Variants in IFT81 observed in about 807,000 individuals in gnomAD.
IFT81 encodes the protein intraflagellar transport protein 81 homolog.
IFT81 carries 72 observed loss-of-function variants against 102.6 expected under a neutral mutation model. That is an observed-to-expected ratio of 0.70 (90% CI 0.58 to 0.85). The LOEUF (loss-of-function observed/expected upper bound fraction) is 0.85. Among genes scored for constraint, IFT81 ranks in the 40% least tolerant of loss-of-function variants. The pLI, the probability that IFT81 is intolerant of heterozygous loss-of-function variation, is 0.00. For synonymous variants in IFT81, 237 were observed against 242.7 expected, an observed-to-expected ratio of 0.98 and a Z score of 0.22; for missense variants, 723 against 787.3, an observed-to-expected ratio of 0.92 and a Z score of 0.98.
intron 17 of IFT81, 87 bp downstream of exon 17, chr12:110,205,767 G>A: frequency 1.2e-6 from 1 of 803,376 alleles, no homozygotes; most frequent in Non-Finnish European, 1.9e-6. Flanking sequence ...TACAAATTTA[G>A]CATATTTAAG....
chr12:110,209,811 G>A (rs1432787967), intron 18 of IFT81, among the ~76,000 whole-genome samples: 1 of 150,436 alleles, frequency 6.6e-6, no homozygotes, highest in African/African-American at 2.4e-5. Flanking sequence ...ATCTCTTTAT[G>A]AGATAGGTGT....
At chr12:110,207,521 T>C (rs1286136912) in intron 17 of IFT81, among the ~76,000 whole-genome samples, 2 of 151,940 alleles carry the variant, frequency 1.3e-5, no homozygotes, top group African/African-American at 2.4e-5. Context: ...CAGTCTCTTC[T>C]TTGTTCTGTG....
intron 11 of IFT81, among the ~76,000 whole-genome samples, chr12:110,172,284 G>C (rs1287345212): frequency 6.6e-6 from 1 of 151,030 alleles, no homozygotes; most frequent in African/African-American, 2.4e-5. Flanking sequence ...AGAAAAATTT[G>C]CCTCTGCCTC....
chr12:110,189,440 C>T (rs1703156565), intron 12 of IFT81, among the ~76,000 whole-genome samples: 1 of 152,106 alleles, frequency 6.6e-6, no homozygotes, highest in African/African-American at 2.4e-5. Context: ...GCTCCACCTC[C>T]CGGGTTCAAG....
At chr12:110,140,181 G>A (rs539292032) in intron 8 of IFT81, among the ~76,000 whole-genome samples, 1 of 152,108 alleles carries the variant, frequency 6.6e-6, no homozygotes, top group East Asian at 1.9e-4. Context: ...GTATACATGT[G>A]CCATGGTGGT....
chr12:110,209,848 A>G (rs1869183139), intron 18 of IFT81, among the ~76,000 whole-genome samples: 1 of 152,170 alleles, frequency 6.6e-6, no homozygotes, highest in Non-Finnish European at 1.5e-5. Flanking sequence ...TTTATTTAAT[A>G]AACACAAAGT....
At chr12:110,158,690 C>G (rs950270369) in intron 10 of IFT81, among the ~76,000 whole-genome samples, 1 of 151,852 alleles carries the variant, frequency 6.6e-6, no homozygotes, top group Non-Finnish European at 1.5e-5. Flanking sequence ...CCCAGGTTCA[C>G]GCCATTCTCC....
At chr12:110,126,004 C>T (rs1340004772) in intron 1 of IFT81, among the ~76,000 whole-genome samples, 1 of 152,216 alleles carries the variant, frequency 6.6e-6, no homozygotes, top group African/African-American at 2.4e-5. Flanking sequence ...ATCGGCCAGG[C>T]GCGGTGGCTC....
rs577109202 is a variant in IFT81, at chr12:110,135,529, G to A, written c.696+92G>A. ...AGAAAAGAGTTTTAAAATTGTAGAC[G>A]TTCACGTTCCTTTTGCTAACATAAT... On this transcript the variant is annotated intron_variant, in intron 7 of 18. Coordinates refer to ENST00000242591, the MANE Select transcript of IFT81 (RefSeq NM_014055.4). 133 of 741,864 alleles carry A rather than the reference G, an allele frequency of 1.8e-4. 1 individual carries two copies. Among genetic ancestry groups the A allele is most frequent in the Middle Eastern group, 3.9e-4 (1 of 2,580 alleles). 46.0% of individuals were successfully genotyped at this position (741,864 alleles called of 1,614,324 possible).
intron 18 of IFT81, among the ~76,000 whole-genome samples, chr12:110,210,745 C>T (rs1869295900): frequency 6.6e-6 from 1 of 151,442 alleles, no homozygotes; most frequent in Non-Finnish European, 1.5e-5. Flanking sequence ...AAAAAAGTTT[C>T]CTACCACTAT....
At chr12:110,217,216 T>G (rs938213495) in intron 18 of IFT81, among the ~76,000 whole-genome samples, 1 of 152,026 alleles carries the variant, frequency 6.6e-6, no homozygotes, top group Admixed American at 6.5e-5. Flanking sequence ...TGCTAATTTT[T>G]GTATTTTTAG....
At chr12:110,152,854 G>T (rs1895617420) in intron 10 of IFT81, among the ~76,000 whole-genome samples, 1 of 152,116 alleles carries the variant, frequency 6.6e-6, no homozygotes, top group African/African-American at 2.4e-5. Context: ...ACTTCCCAAA[G>T]TACTGGGATT....
In IFT81 at chr12:110,205,528, G is replaced by A. The variant is rs752843172; in HGVS notation, c.1716+14G>A. The stretch of plus-strand genomic sequence containing the variant: ...TGTATGATTAAGGTAAGACAAAGTA[G>A]ATCAAAAACATTTCTGAGTTTTTTC... On this transcript the variant is annotated intron_variant, in intron 16 of 18. Coordinates refer to ENST00000242591, the MANE Select transcript of IFT81 (RefSeq NM_014055.4). 3.8e-6 allele frequency: 6 copies of A among 1,588,366 alleles called. No individual in the cohort carries two copies. Among genetic ancestry groups the A allele is most frequent in the Non-Finnish European group, 5.1e-6 (6 of 1,171,362 alleles).
intron 12 of IFT81, among the ~76,000 whole-genome samples, chr12:110,185,389 A>C (rs1897483637): frequency 6.6e-6 from 1 of 151,524 alleles, no homozygotes; most frequent in South Asian, 2.1e-4. Context: ...ACGGGGTTTC[A>C]CCATGTTAGC....
chr12:110,202,140 A>G (rs1390855558), intron 14 of IFT81, among the ~76,000 whole-genome samples: 1 of 152,196 alleles, frequency 6.6e-6, no homozygotes, highest in Non-Finnish European at 1.5e-5. Context: ...ATCACCACAA[A>G]CACATGAGTA....
At chr12:110,147,288 T>G (rs530080239) in intron 10 of IFT81, among the ~76,000 whole-genome samples, 45 of 152,326 alleles carry the variant, frequency 3.0e-4, no homozygotes, top group African/African-American at 1.1e-3. Context: ...ACTGTGGTAA[T>G]AGAGCTATTT....
At chr12:110,151,498 C>G (rs890168200) in intron 10 of IFT81, among the ~76,000 whole-genome samples, 1 of 152,050 alleles carries the variant, frequency 6.6e-6, no homozygotes, top group African/African-American at 2.4e-5. Context: ...CATTCTTATA[C>G]AAGTTTTTGT....
rs1870402566 is a variant in IFT81 at position 110,218,275 on chromosome 12, C to T, written c.*49C>T. 7.5e-7 allele frequency: 1 copy of T among 1,326,924 alleles called. No homozygotes were observed. Among genetic ancestry groups the T allele is most frequent in the Non-Finnish European group, 1.0e-6 (1 of 992,198 alleles). The allele number at this position is 1,326,924 out of a possible 1,614,324, so 82.2% of individuals were successfully genotyped here. ...TTTACTTGATACCACTAGCTATAAG[C>T]CTAATCTCATAATGTATTTCTTTTT... On this transcript the variant is annotated 3_prime_UTR_variant, in exon 19 of 19. Transcript: ENST00000242591.
intron 10 of IFT81, among the ~76,000 whole-genome samples, chr12:110,152,010 T>C (rs1045923015): frequency 1.3e-5 from 2 of 152,226 alleles, no homozygotes; most frequent in Non-Finnish European, 2.9e-5. Flanking sequence ...GGCTGAATAG[T>C]ATTCCATTAT....
Sources: gnomAD v4.1 joint callset for allele counts (sites outside exome capture counted in the v4.1 genomes callset) on GRCh38, gnomAD v4.1.1 for gene constraint, MANE v1.5 for transcripts, NCBI Gene and HGNC (gene_info 2026-07-23, HGNC 2026-07-21) for gene names.